The following ETV7 variants were observed in gnomAD, a reference collection of about 807,000 sequenced individuals.
ETV7 encodes the protein ETS variant transcription factor 7, also known as transcription factor ETV7.
A neutral mutation model predicts 39.1 loss-of-function variants in ETV7; 43 were observed. The observed-to-expected ratio is 1.10, with a 90% CI of 0.86 to 1.42. The LOEUF (loss-of-function observed/expected upper bound fraction) is 1.42. Ranked by LOEUF, ETV7 falls within the 40% of genes most tolerant of loss-of-function variation. The pLI, the probability that ETV7 is intolerant of heterozygous loss-of-function variation, is 0.00. For missense variants in ETV7, 432 were observed against 442.3 expected (o/e 0.98, Z 0.21); for synonymous variants, 196 against 176.6 (o/e 1.11, Z -0.87).
At chr6:36,356,340 C>CAAA (rs979143117) in intron 7 of ETV7, among the ~76,000 whole-genome samples, 2 of 128,288 alleles carry the variant, frequency 1.6e-5, no homozygotes, top group Non-Finnish European at 3.3e-5. Context: ...AAAAAAAAAA[C>CAAA]AAAAAAAAAC....
At chr6:36,366,123 G>T, downstream of ETV7, 2 of 926,092 alleles carry the variant, frequency 2.2e-6, no homozygotes, top group Non-Finnish European at 2.6e-6. Context: ...GCAGTGAGCC[G>T]AGATCGTGCC....
downstream of ETV7, among the ~76,000 whole-genome samples, chr6:36,362,204 A>C (rs993441541): frequency 6.6e-6 from 1 of 152,134 alleles, no homozygotes; most frequent in Non-Finnish European, 1.5e-5. Flanking sequence ...GAGGGGGCTG[A>C]GGCAGGAGAA....
chr6:36,383,824 T>A (rs1412199531), intron 2 of ETV7, among the ~76,000 whole-genome samples: 1 of 152,230 alleles, frequency 6.6e-6, no homozygotes, highest in Non-Finnish European at 1.5e-5. Flanking sequence ...ATATGAGTCA[T>A]GGAATCTAAG....
At chr6:36,369,576 T>C (rs1019517270) in intron 5 of ETV7, among the ~76,000 whole-genome samples, 1 of 152,198 alleles carries the variant, frequency 6.6e-6, no homozygotes, top group African/African-American at 2.4e-5. Context: ...GGAGGGCAAG[T>C]GGGCATCCGG....
intron 1 of ETV7, chr6:36,387,011 T>G: frequency 6.0e-6 from 1 of 167,810 alleles, no homozygotes; most frequent in Non-Finnish European, 1.3e-5. Context: ...GACTCCTGGG[T>G]TTCAGCATGG....
chr6:36,354,643 C>G (rs1772291639), exon 8 of ETV7: 1 of 695,084 alleles, frequency 1.4e-6, no homozygotes, highest in African/African-American at 1.8e-5. Context: ...TATTTGGGGT[C>G]ACTGGAAACT....
At chr6:36,356,323 C>CAAAAAAAAAAAAAAAAAA (rs59649348) in intron 7 of ETV7, among the ~76,000 whole-genome samples, 7 of 77,644 alleles carry the variant, frequency 9.0e-5, no homozygotes, top group Non-Finnish European at 1.2e-4. Context: ...GACCCTGTCT[C>CAAAAAAAAAAAAAAAAAA]AAAAAAAAAA....
At chr6:36,384,103 C>T (rs1022650023) in intron 2 of ETV7, among the ~76,000 whole-genome samples, 13 of 152,234 alleles carry the variant, frequency 8.5e-5, no homozygotes, top group African/African-American at 3.1e-4. Flanking sequence ...CCCCAGAGAT[C>T]CCCGTGGTGC....
intron 7 of ETV7, among the ~76,000 whole-genome samples, chr6:36,357,594 C>T (rs138347907): frequency 1.1e-3 from 164 of 152,264 alleles, no homozygotes; most frequent in Non-Finnish European, 1.9e-3. Context: ...AACACCTCCC[C>T]GGCCACGTGC....
At chr6:36,368,025 T>G (rs1772816639) in intron 6 of ETV7, among the ~76,000 whole-genome samples, 1 of 152,232 alleles carries the variant, frequency 6.6e-6, no homozygotes, top group South Asian at 2.1e-4. Context: ...TCCCGAACTT[T>G]AGTCATCTGC....
chr6:36,379,977 T>C (rs71569332), intron 2 of ETV7, among the ~76,000 whole-genome samples: 2,630 of 151,938 alleles, frequency 0.017, 38 homozygotes, highest in Non-Finnish European at 0.026. Flanking sequence ...AGTACCTCAG[T>C]TTCATCATCA....
At chr6:36,364,179 C>G (rs1322434292), downstream of ETV7, among the ~76,000 whole-genome samples, 1 of 152,268 alleles carries the variant, frequency 6.6e-6, no homozygotes, top group Non-Finnish European at 1.5e-5. Context: ...CCAGTGGATC[C>G]TGCACTGGGG....
intron 2 of ETV7, among the ~76,000 whole-genome samples, chr6:36,379,148 G>A (rs77392236): frequency 0.015 from 2,311 of 152,314 alleles, 62 homozygotes; most frequent in African/African-American, 0.051. Context: ...GGGCTTCCGC[G>A]GCTAGGGTGT....
At position 36,370,530 on chromosome 6, in the gene ETV7, C is replaced by T. The variant is rs181306860; in HGVS notation, c.664+800G>A. On this transcript the variant is annotated intron_variant, in intron 5 of 7. Transcript: ENST00000340181. ...AGCCTGGGCAAAAGAGCCAGACTCCCGTCTCAAAAAAAGAAAAGAAAAGAA... is the reference window on the plus strand; with the variant it reads ...AGCCTGGGCAAAAGAGCCAGACTCCTGTCTCAAAAAAAGAAAAGAAAAGAA... 4.8e-3 allele frequency among the ~76,000 whole-genome samples: 732 copies of T among 151,744 alleles called. 16 individuals carry two copies. In the South Asian group the frequency reaches 0.062, roughly 13 times the overall value.
At chr6:36,375,011 G>A (rs1773241035) in intron 3 of ETV7, among the ~76,000 whole-genome samples, 1 of 150,576 alleles carries the variant, frequency 6.6e-6, no homozygotes, top group Non-Finnish European at 1.5e-5. Context: ...AGAGGTTGCA[G>A]TGAGCCAGGA....
At chr6:36,370,620 C>A (rs1232992435) in intron 5 of ETV7, among the ~76,000 whole-genome samples, 3 of 152,126 alleles carry the variant, frequency 2.0e-5, no homozygotes, top group Non-Finnish European at 4.4e-5. Flanking sequence ...ATACACCAAA[C>A]CTCAGTGGCA....
rs375760531 is a variant in ETV7, at chr6:36,371,400, G to A, written c.594C>T (p.Leu198=). 49 of 1,602,714 alleles carry A rather than the reference G, an allele frequency of 3.1e-5. No homozygotes were observed. The African/African-American group carries it at 3.5e-4, about 11-fold the overall frequency. ...AACAGACCCCCTGGGTCCTGCAGCCGAGCTCTGCACAGTGACATAAGTTGA... is the reference window on the plus strand; with the variant it reads ...AACAGACCCCCTGGGTCCTGCAGCCAAGCTCTGCACAGTGACATAAGTTGA... ...ESLNLCHCAE[L]GCRTQGVCSF... Residue 198 remains leucine (L), a synonymous_variant, in exon 5 of 8, where the codon CTC becomes CTT. Transcript: ENST00000340181.
intron 2 of ETV7, among the ~76,000 whole-genome samples, chr6:36,380,953 A>G (rs1212304624): frequency 6.6e-6 from 1 of 151,298 alleles, no homozygotes; most frequent in Admixed American, 6.6e-5. Context: ...GTTCCCAACT[A>G]CCAAGCCCAT....
intron 7 of ETV7, among the ~76,000 whole-genome samples, chr6:36,361,088 TAACTC>T (rs1443156023): frequency 2.6e-5 from 4 of 152,212 alleles, no homozygotes; most frequent in Admixed American, 2.6e-4. Context: ...TATGAGCAAT[TAACTC>T]AAAAGGATTC....
Sources: gnomAD v4.1 joint callset for allele counts (sites outside exome capture counted in the v4.1 genomes callset) on GRCh38, gnomAD v4.1.1 for gene constraint, MANE v1.5 for transcripts, NCBI Gene and HGNC (gene_info 2026-07-23, HGNC 2026-07-21) for gene names.